Variants in RBFOX3 observed in about 807,000 individuals in gnomAD.
The protein encoded by RBFOX3 is RNA binding protein fox-1 homolog 3.
RBFOX3 carries 17 observed loss-of-function variants against 48.7 expected under a neutral mutation model. That is an observed-to-expected ratio of 0.35 (90% CI 0.24 to 0.52). The LOEUF (loss-of-function observed/expected upper bound fraction) is 0.52. Ranked by LOEUF, RBFOX3 falls within the 20% of genes least tolerant of loss-of-function variation. The pLI, the probability that RBFOX3 is intolerant of heterozygous loss-of-function variation, is 0.94. For synonymous variants in RBFOX3, 212 were observed against 209.5 expected (o/e 1.01, Z -0.10); for missense variants, 382 against 497.5 (o/e 0.77, Z 2.21).
At chr17:79,501,162 G>A (rs200925023) in intron 1 of RBFOX3, among the ~76,000 whole-genome samples, 79,647 of 151,974 alleles carry the variant, frequency 0.52, 23,243 homozygotes, top group Non-Finnish European at 0.65. Flanking sequence ...CTAAAATTGG[G>A]TCAAACCCGA....
intron 1 of RBFOX3, among the ~76,000 whole-genome samples, chr17:79,570,704 G>A (rs1397934427): frequency 6.6e-6 from 1 of 152,134 alleles, no homozygotes; most frequent in African/African-American, 2.4e-5. Flanking sequence ...CCACCCCTGG[G>A]GACCCTGACT....
intron 2 of RBFOX3, among the ~76,000 whole-genome samples, chr17:79,467,989 G>A (rs1428290788): frequency 6.6e-6 from 1 of 151,868 alleles, no homozygotes; most frequent in African/African-American, 2.4e-5. Flanking sequence ...TCCAACACCC[G>A]AGGCAGACGT....
At chr17:79,413,663 G>C (rs1451729523) in intron 2 of RBFOX3, among the ~76,000 whole-genome samples, 1 of 152,242 alleles carries the variant, frequency 6.6e-6, no homozygotes, top group Non-Finnish European at 1.5e-5. Flanking sequence ...TCCTTCTGCA[G>C]GTGCACACCT....
chr17:79,462,384 G>C (rs141971432), intron 2 of RBFOX3, among the ~76,000 whole-genome samples: 103 of 152,338 alleles, frequency 6.8e-4, no homozygotes, highest in African/African-American at 2.4e-3. Context: ...TGATTAAAAA[G>C]AAAAGTCATG....
intron 4 of RBFOX3, among the ~76,000 whole-genome samples, chr17:79,165,442 G>A (rs936971561): frequency 1.3e-5 from 2 of 152,202 alleles, no homozygotes; most frequent in Non-Finnish European, 2.9e-5. Flanking sequence ...GGGTGCCTGG[G>A]GAGGCCGCAG....
At chr17:79,556,262 T>C (rs2143945301) in intron 1 of RBFOX3, among the ~76,000 whole-genome samples, 1 of 152,240 alleles carries the variant, frequency 6.6e-6, no homozygotes, top group Admixed American at 6.5e-5. Flanking sequence ...GAGCACTTAC[T>C]CTGGGCAGGG....
At chr17:79,151,373 G>C (rs1454747333) in intron 4 of RBFOX3, among the ~76,000 whole-genome samples, 1 of 144,136 alleles carries the variant, frequency 6.9e-6, no homozygotes, top group Non-Finnish European at 1.5e-5. Context: ...GGGAAGGAGG[G>C]GAAGGGGCTT....
Position 79,479,469 on chromosome 17 carries a change from C to T in RBFOX3, c.-175+2985G>A, listed in dbSNP as rs2078462187. Among the ~76,000 whole-genome samples the T allele has an allele frequency of 1.3e-5, 2 of 152,194 alleles. No individual in the cohort carries two copies. The highest frequency in any genetic ancestry group is 2.4e-5 in the African/African-American group (1 of 41,450). The stretch of plus-strand genomic sequence containing the variant: ...TCTGAGGGGCTTCCTCTCAGAGGGG[C>T]TTCCTTCTCTCCCCTTGACCTCACC... On this transcript the variant is annotated intron_variant, in intron 2 of 14. Coordinates refer to ENST00000693108, the MANE Select transcript of RBFOX3 (RefSeq NM_001350451.2). The surrounding 1 kb of genome is among the most constrained non-coding windows in gnomAD (Gnocchi z 5.1).
intron 3 of RBFOX3, among the ~76,000 whole-genome samples, chr17:79,292,670 G>C (rs776007433): frequency 1.3e-5 from 2 of 152,148 alleles, no homozygotes; most frequent in Non-Finnish European, 2.9e-5. Flanking sequence ...GCGAAGGACA[G>C]CATGGGCTGC....
At chr17:79,136,648 G>T (rs1882929177) in intron 4 of RBFOX3, among the ~76,000 whole-genome samples, 1 of 152,168 alleles carries the variant, frequency 6.6e-6, no homozygotes, top group East Asian at 1.9e-4. Context: ...GCCAGAAGAT[G>T]GGGAAGGTGC....
intron 2 of RBFOX3, among the ~76,000 whole-genome samples, chr17:79,463,492 T>C (rs1222795636): frequency 7.9e-5 from 3 of 37,866 alleles, no homozygotes; most frequent in Admixed American, 3.2e-4. Flanking sequence ...CCATCGCCAC[T>C]GCCACTGCCA....
At chr17:79,210,849 C>T (rs576234243) in intron 4 of RBFOX3, among the ~76,000 whole-genome samples, 6 of 151,232 alleles carry the variant, frequency 4.0e-5, no homozygotes, top group Middle Eastern at 3.4e-3. Flanking sequence ...CCTTCTCCAG[C>T]GTCCGGTGAT....
At chr17:79,275,123 CCTCTCTCTCT>C (rs368963249) in intron 3 of RBFOX3, among the ~76,000 whole-genome samples, 8 of 130,660 alleles carry the variant, frequency 6.1e-5, no homozygotes, top group Middle Eastern at 3.8e-3. Context: ...TCCATGTCTC[CCTCTCTCTCT>C]CTCTCTCTCT....
chr17:79,275,713 T>C (rs1381969799), intron 3 of RBFOX3, among the ~76,000 whole-genome samples: 2 of 152,072 alleles, frequency 1.3e-5, no homozygotes, highest in Admixed American at 1.3e-4. Context: ...CCCCACCCCA[T>C]CTCACCCATA....
chr17:79,469,012 CAGG>C, intron 2 of RBFOX3, among the ~76,000 whole-genome samples: 1 of 151,362 alleles, frequency 6.6e-6, no homozygotes, highest in Non-Finnish European at 1.5e-5. Context: ...GGCAGGCAGA[CAGG>C]AGGATGGATG....
At chr17:79,414,991 A>G (rs191034822) in intron 2 of RBFOX3, among the ~76,000 whole-genome samples, 3 of 152,262 alleles carry the variant, frequency 2.0e-5, no homozygotes, top group East Asian at 1.9e-4. Flanking sequence ...GCCAAAGCAC[A>G]GGTCTGTTCC....
chr17:79,405,856 T>C (rs2063474812), intron 2 of RBFOX3, among the ~76,000 whole-genome samples: 1 of 152,134 alleles, frequency 6.6e-6, no homozygotes, highest in South Asian at 2.1e-4. Context: ...CATTCCCACC[T>C]CCAGCCCCCA....
Position 79,127,100 on chromosome 17 carries a change from G to A in RBFOX3, c.-33-11352C>T, listed in dbSNP as rs144377502. Among the ~76,000 whole-genome samples, 354 of 152,314 alleles carry A rather than the reference G, an allele frequency of 2.3e-3. 1 individual carries two copies. Among genetic ancestry groups the A allele is most frequent in the African/African-American group, 8.0e-3 (334 of 41,564 alleles). On this transcript the variant is annotated intron_variant, in intron 4 of 14. Coordinates refer to ENST00000693108, the MANE Select transcript of RBFOX3 (RefSeq NM_001350451.2). ...CGCCACATTCACTCCCAACTTACAGGTCAAGAGTCACAGGCAAATGGCTCT... is the reference window on the plus strand; with the variant it reads ...CGCCACATTCACTCCCAACTTACAGATCAAGAGTCACAGGCAAATGGCTCT...
At chr17:79,329,765 A>G (rs1204809203) in intron 2 of RBFOX3, among the ~76,000 whole-genome samples, 1 of 152,060 alleles carries the variant, frequency 6.6e-6, no homozygotes, top group African/African-American at 2.4e-5. Context: ...TCGCTCTCCC[A>G]GGAGATCTCC....
Sources: gnomAD v4.1 joint callset for allele counts (sites outside exome capture counted in the v4.1 genomes callset) on GRCh38, gnomAD v4.1.1 for gene constraint, Gnocchi (gnomAD v3.1) non-coding constraint, MANE v1.5 for transcripts, NCBI Gene and HGNC (gene_info 2026-07-23, HGNC 2026-07-21) for gene names.